ANKS3: variants seen among roughly 807,000 people sequenced by gnomAD.
ANKS3 encodes ankyrin repeat and SAM domain-containing protein 3.
ANKS3 carries 62 observed loss-of-function variants against 80.7 expected under a neutral mutation model. That is an observed-to-expected ratio of 0.77 (90% confidence interval 0.63 to 0.95). The LOEUF (loss-of-function observed/expected upper bound fraction) is 0.95. ANKS3 is among the 40% of genes least tolerant of loss of function. The pLI is 0.00. For missense variants in ANKS3, 1,150 were observed against 883.6 expected (o/e 1.30, Z -3.82); for synonymous variants, 489 against 355.3 (o/e 1.38, Z -4.23).
At chr16:4,711,387 G>A (rs995143915) in intron 7 of ANKS3, among the ~76,000 whole-genome samples, 3 of 151,630 alleles carry the variant, frequency 2.0e-5, no homozygotes, top group South Asian at 4.2e-4. Flanking sequence ...ATAGGCATAA[G>A]CCACCGCGCC....
chr16:4,716,339 C>A (rs576777998), intron 6 of ANKS3, among the ~76,000 whole-genome samples: 2 of 137,144 alleles, frequency 1.5e-5, no homozygotes, highest in East Asian at 4.3e-4. Flanking sequence ...CCAGCCTGGG[C>A]GACACACGGA....
Position 4,733,943 on chromosome 16 carries a change from T to C in ANKS3, c.-76A>G. ...CCGACAAACCCGTAACTCACAGCAGTGACGCTTCCCGACGCCCCCCGGCCA... is the reference window on the plus strand; with the variant it reads ...CCGACAAACCCGTAACTCACAGCAGCGACGCTTCCCGACGCCCCCCGGCCA... On this transcript the variant is annotated 5_prime_UTR_variant, in exon 1 of 18. Transcript: ENST00000304283. The C allele has an allele frequency of 2.0e-6, 2 of 985,468 alleles. No individual in the cohort carries two copies. The highest frequency in any genetic ancestry group is 4.7e-5 in the South Asian group (1 of 21,284). The allele number at this position is 985,468 out of a possible 1,614,324, so 61.0% of individuals were successfully genotyped here.
Position 4,698,459 on chromosome 16 carries a change from G to A in ANKS3, c.1692C>T (p.Ala564=), listed in dbSNP as rs1424902070. ...QARLRETWAL[A]RDAALVLDQL... ...GGTCCAGGACGAGGGCAGCATCCCGGGCCAGGGCCCACGTCTCCCGCAGCC... is the reference window on the plus strand; with the variant it reads ...GGTCCAGGACGAGGGCAGCATCCCGAGCCAGGGCCCACGTCTCCCGCAGCC... Residue 564 remains alanine (A), a synonymous_variant, in exon 14 of 18, where the codon GCC becomes GCT. Coordinates refer to ENST00000304283, the MANE Select transcript of ANKS3 (RefSeq NM_133450.4). 12 of 1,542,024 alleles carry A rather than the reference G, an allele frequency of 7.8e-6. No homozygotes were observed. In the East Asian group the frequency reaches 1.9e-4, roughly 24 times the overall value.
chr16:4,724,467 G>T (rs931332015), intron 6 of ANKS3, among the ~76,000 whole-genome samples: 1 of 152,168 alleles, frequency 6.6e-6, no homozygotes, highest in South Asian at 2.1e-4. Context: ...TTTTCTAAGT[G>T]ACAGGATTAT....
rs145984825 is a variant in ANKS3, at chr16:4,699,075, G to T, written c.1386C>A (p.Ser462Arg). ...ACGTGATGCCAATTTCCTTCAGGTC[G>T]CTCTCAGTGAGGGTCAGAAAGATGC... ...DLRIFLTLTE[S>R]DLKEIGITLF... Residue 462 changes from serine (S) to arginine (R), a missense_variant, in exon 12 of 18, where the codon AGC becomes AGA. Coordinates refer to ENST00000304283, the MANE Select transcript of ANKS3 (RefSeq NM_133450.4). The T allele has an allele frequency of 5.6e-6, 9 of 1,614,012 alleles. No homozygotes were observed. The highest frequency in any genetic ancestry group is 2.7e-5 in the African/African-American group (2 of 74,926).
chr16:4,724,858 G>A (rs2081277085), intron 5 of ANKS3, 27 bp from the exon 6 acceptor site: 1 of 1,610,552 alleles, frequency 6.2e-7, no homozygotes, highest in East Asian at 2.2e-5. Flanking sequence ...ACAGTCAGAT[G>A]ATTGGAAGAG....
chr16:4,733,202 CAAAAAAAAAA>C (rs56944690), intron 1 of ANKS3, among the ~76,000 whole-genome samples: 1 of 70,526 alleles, frequency 1.4e-5, no homozygotes, highest in African/African-American at 5.9e-5. Context: ...GACTCCGTCT[CAAAAAAAAAA>C]AAAAAAAAAA....
Position 4,701,438 on chromosome 16 carries a change from T to A in ANKS3, c.1115A>T (p.Asn372Ile), listed in dbSNP as rs141717553. The A allele has an allele frequency of 5.0e-6, 8 of 1,598,872 alleles. No individual in the cohort carries two copies. The highest frequency in any genetic ancestry group is 1.1e-5 in the South Asian group (1 of 90,324). ...CAAGAAAGAAAGAATCCGTACCTCG[T>A]TGCTCTCCACAGAAGCTTCGCTGCT... ...GLSSEASVES[N>I]EDSDHACKSS... is the part of the protein sequence containing the mutation. The change falls in exon 10 of 18, where the codon AAC becomes ATC. Residue 372 changes from asparagine (N) to isoleucine (I), a missense_variant. Physicochemically the swap from Asn to Ile is moderately radical, Grantham distance 149. Transcript: ENST00000304283.
At chr16:4,701,702 C>A in intron 9 of ANKS3, 159 bp from the exon 10 acceptor site, 1 of 606,958 alleles carries the variant, frequency 1.6e-6, no homozygotes, top group Non-Finnish European at 2.8e-6. Context: ...ACCCTCCCCT[C>A]TATACAGACG....
chr16:4,707,839 G>A (rs999146443), intron 7 of ANKS3, among the ~76,000 whole-genome samples: 5 of 152,034 alleles, frequency 3.3e-5, no homozygotes, highest in African/African-American at 9.7e-5. Flanking sequence ...GGCCGGGCGC[G>A]GTGGCTCACG....
chr16:4,733,493 T>C (rs1226042052), intron 1 of ANKS3, among the ~76,000 whole-genome samples: 1 of 152,068 alleles, frequency 6.6e-6, no homozygotes, highest in African/African-American at 2.4e-5. Flanking sequence ...AGTGTCCCCA[T>C]GTTGGCCAGG....
chr16:4,714,064 G>C lies in ANKS3; in HGVS notation c.696C>G (p.Leu232=). Residue 232 remains leucine (L), a synonymous_variant, in exon 7 of 18, where the codon CTC becomes CTG. Coordinates refer to ENST00000304283, the MANE Select transcript of ANKS3 (RefSeq NM_133450.4). The stretch of plus-strand genomic sequence containing the variant: ...AGGTGTGGGTACCTGGGCTCCGATA[G>C]AGGCTCTTGGGCAGAGAGGGCGAGT... ...DTYSPSLPKS[L]YRSPEKYEDL... 2 of 1,614,184 alleles carry C rather than the reference G, an allele frequency of 1.2e-6. No homozygotes were observed. The highest frequency in any genetic ancestry group is 1.7e-6 in the Non-Finnish European group (2 of 1,180,022).
At chr16:4,722,277 C>T (rs567201898) in intron 6 of ANKS3, among the ~76,000 whole-genome samples, 4 of 151,368 alleles carry the variant, frequency 2.6e-5, no homozygotes, top group South Asian at 2.1e-4. Context: ...ATAGACAGCT[C>T]GTAAGAGAAA....
intron 6 of ANKS3, among the ~76,000 whole-genome samples, chr16:4,715,400 G>C (rs2080740496): frequency 6.6e-6 from 1 of 152,210 alleles, no homozygotes; most frequent in South Asian, 2.1e-4. Context: ...CCAAAGCTCA[G>C]AGGAGGAGGC....
At chr16:4,701,282 A>T in intron 10 of ANKS3, 148 bp from the exon 11 acceptor site, 1 of 1,403,692 alleles carries the variant, frequency 7.1e-7, no homozygotes, top group Non-Finnish European at 9.7e-7. Context: ...CTGTCGTCTG[A>T]GAAGCCAGAC....
At chr16:4,698,128 G>C (rs1202051650) in intron 14 of ANKS3, 66 bp from the exon 15 acceptor site, 5 of 1,495,156 alleles carry the variant, frequency 3.3e-6, no homozygotes, top group East Asian at 2.4e-5. Context: ...CCCCACCTCA[G>C]ACCTTCTAGG....
chr16:4,731,933 A>G (rs1382598212), intron 1 of ANKS3, among the ~76,000 whole-genome samples: 1 of 152,206 alleles, frequency 6.6e-6, no homozygotes, highest in Non-Finnish European at 1.5e-5. Context: ...AGGGTAGGAA[A>G]GGGAGCAAAG....
intron 3 of ANKS3, among the ~76,000 whole-genome samples, chr16:4,728,375 T>C (rs554635165): frequency 2.9e-4 from 44 of 152,116 alleles, no homozygotes; most frequent in Non-Finnish European, 5.7e-4. Context: ...AGCAGGCAAC[T>C]ACCTTCCATT....
intron 6 of ANKS3, among the ~76,000 whole-genome samples, chr16:4,723,917 G>A (rs559342667): frequency 3.2e-4 from 49 of 151,918 alleles, no homozygotes; most frequent in African/African-American, 3.1e-4. Context: ...ATAATTAGCC[G>A]GGGCATGGTA....
Sources: allele counts gnomAD v4.1 joint callset (sites outside exome capture counted in the v4.1 genomes callset), GRCh38; gene constraint gnomAD v4.1.1; transcripts MANE v1.5; gene names NCBI Gene and HGNC (gene_info 2026-07-23, HGNC 2026-07-21).